The following ZNF267 variants were observed in gnomAD, a reference collection of about 807,000 sequenced individuals.
ZNF267 encodes zinc finger protein 267.
ZNF267 carries 61 observed loss-of-function variants against 71.6 expected under a neutral mutation model. That is an observed-to-expected ratio of 0.85 (90% CI 0.69 to 1.05). The LOEUF (loss-of-function observed/expected upper bound fraction) is 1.05, where lower values mean the gene tolerates loss of function less well. Ranked by LOEUF, ZNF267 falls within the 50% of genes least tolerant of loss-of-function variation. The pLI is 0.00. For synonymous variants in ZNF267, 288 were observed against 293.2 expected, an observed-to-expected ratio of 0.98 and a Z score of 0.18; for missense variants, 852 against 870.0, an observed-to-expected ratio of 0.98 and a Z score of 0.26.
At chr16:31,885,334 A>T in intron 3 of ZNF267, 78 bp downstream of exon 3, 1 of 1,279,784 alleles carries the variant, frequency 7.8e-7, no homozygotes, top group South Asian at 1.7e-5. Context: ...TGAAGTGTGG[A>T]TTGGGAAGTT....
rs1352601373 is a variant in ZNF267, at chr16:31,915,219, T to G, written c.970T>G (p.Cys324Gly). 2 of 1,613,740 alleles carry G rather than the reference T, an allele frequency of 1.2e-6. No homozygotes were observed. Among genetic ancestry groups the G allele is most frequent in the South Asian group, 2.2e-5 (2 of 91,012 alleles). The part of the protein sequence containing the change: ...IIHNEEKPYK[C>G]EKCGDSLNHS... Reference sequence around the variant, plus strand: ...CCATAATGAAGAGAAACCATACAAATGTGAAAAATGTGGGGATAGCTTAAA... The same window carrying G: ...CCATAATGAAGAGAAACCATACAAAGGTGAAAAATGTGGGGATAGCTTAAA... Residue 324 changes from cysteine to glycine, a missense_variant, in exon 4 of 4, where the codon TGT becomes GGT. By Grantham distance (159) the Cys-to-Gly change is radical. Transcript: ENST00000300870.
At chr16:31,902,030 G>C (rs1174418853) in intron 3 of ZNF267, among the ~76,000 whole-genome samples, 1 of 152,158 alleles carries the variant, frequency 6.6e-6, no homozygotes. Context: ...AGTTTTCCCA[G>C]CACCATTTAT....
chr16:31,885,204 AAGG>A lies in ZNF267; in HGVS notation c.176_178del (p.Arg59del). 1 of 1,610,824 alleles carries A rather than the reference AAGG, an allele frequency of 6.2e-7. No homozygotes were observed. The highest frequency in any genetic ancestry group is 1.3e-5 in the African/African-American group (1 of 74,956). ...CGGACCTGATCACCTTTTTGGAACA[AAGG>A]AAAGAGCCTTGGAATGTGAAGAGTG... On this transcript the variant is annotated inframe_deletion, in exon 3 of 4. Coordinates refer to ENST00000300870, the MANE Select transcript of ZNF267 (RefSeq NM_003414.6).
At chr16:31,876,157 G>T (rs1293827812) in intron 1 of ZNF267, among the ~76,000 whole-genome samples, 1 of 152,156 alleles carries the variant, frequency 6.6e-6, no homozygotes, top group East Asian at 1.9e-4. Flanking sequence ...TTTGTAGGGT[G>T]AAGAAGTTAT....
intron 3 of ZNF267, among the ~76,000 whole-genome samples, chr16:31,889,734 A>C (rs1488737311): frequency 2.0e-5 from 3 of 152,214 alleles, no homozygotes; most frequent in Admixed American, 2.0e-4. Flanking sequence ...CTAAGTTGGG[A>C]GGTGCTACAC....
chr16:31,880,358 C>A (rs2083881428), intron 1 of ZNF267, among the ~76,000 whole-genome samples: 1 of 152,144 alleles, frequency 6.6e-6, no homozygotes, highest in African/African-American at 2.4e-5. Context: ...CCACCACTGT[C>A]CAGAGCCATG....
chr16:31,888,689 C>T (rs563842891), intron 3 of ZNF267, among the ~76,000 whole-genome samples: 38 of 151,196 alleles, frequency 2.5e-4, no homozygotes, highest in Non-Finnish European at 4.6e-4. Flanking sequence ...ATGTCTGATC[C>T]TTTTAATGTG....
At chr16:31,898,972 G>A (rs145818139) in intron 3 of ZNF267, among the ~76,000 whole-genome samples, 2,130 of 152,126 alleles carry the variant, frequency 0.014, 58 homozygotes, top group African/African-American at 0.049. Flanking sequence ...GATCAATTCC[G>A]CAAGAAGAGC....
At chr16:31,887,228 T>C (rs2142336877) in intron 3 of ZNF267, among the ~76,000 whole-genome samples, 1 of 152,164 alleles carries the variant, frequency 6.6e-6, no homozygotes, top group South Asian at 2.1e-4. Flanking sequence ...ACTTGAGTCC[T>C]TTGCAAATTT....
chr16:31,901,046 C>T (rs565941389), intron 3 of ZNF267, among the ~76,000 whole-genome samples: 15 of 152,120 alleles, frequency 9.9e-5, no homozygotes, highest in Admixed American at 5.2e-4. Context: ...TGAGAACATG[C>T]GGTGTTTCGT....
rs755129791 is a variant in ZNF267 at position 31,915,892 on chromosome 16, A to G, written c.1643A>G (p.Tyr548Cys). Residue 548 changes from tyrosine (Y) to cysteine (C), a missense_variant, in exon 4 of 4, where the codon TAT becomes TGT. By Grantham distance (194) the Tyr-to-Cys change is radical. Transcript: ENST00000300870. ...HERIHTGEKP[Y>C]KCKECGKAFP... is the part of the protein sequence containing the mutation. ...AGAATTCATACTGGAGAGAAACCCT[A>G]TAAATGTAAAGAATGTGGCAAAGCC... The G allele has an allele frequency of 3.1e-6, 5 of 1,613,740 alleles. No individual in the cohort carries two copies. Among genetic ancestry groups the G allele is most frequent in the Admixed American group, 3.3e-5 (2 of 60,000 alleles).
At chr16:31,874,258 T>TA (rs2083836136) in intron 1 of ZNF267, 2 of 410,282 alleles carry the variant, frequency 4.9e-6, no homozygotes, top group Non-Finnish European at 8.8e-6. Flanking sequence ...CTCCCCCAGA[T>TA]TGTGCGGTGA....
intron 3 of ZNF267, among the ~76,000 whole-genome samples, chr16:31,899,440 A>G (rs914626462): frequency 6.6e-6 from 1 of 152,182 alleles, no homozygotes; most frequent in Non-Finnish European, 1.5e-5. Flanking sequence ...CTACTGGGTA[A>G]ATAACCAAAT....
chr16:31,905,400 C>G (rs1165600336), intron 3 of ZNF267, among the ~76,000 whole-genome samples: 18 of 152,200 alleles, frequency 1.2e-4, no homozygotes, highest in Non-Finnish European at 2.4e-4. Context: ...TGGTTCCATT[C>G]TCCTCGTCAC....
rs749529499 is a variant in ZNF267 at position 31,915,315 on chromosome 16, G to A, written c.1066G>A (p.Gly356Ser). The A allele has an allele frequency of 6.2e-7, 1 of 1,613,852 alleles. No homozygotes were observed. The highest frequency in any genetic ancestry group is 8.5e-7 in the Non-Finnish European group (1 of 1,179,900). The change falls in exon 4 of 4, where the codon GGC becomes AGC. Residue 356 changes from glycine (G) to serine (S), a missense_variant. Physicochemically the swap from Gly to Ser is moderately conservative, Grantham distance 56. Coordinates refer to ENST00000300870, the MANE Select transcript of ZNF267 (RefSeq NM_003414.6). ...GAAACCCTGTAAATGGAAAGAATGT[G>A]GCAAGGTCTTTAACCTTAACTGTAG... is the stretch of plus-strand genomic sequence containing the variant. ...EEKPCKWKEC[G>S]KVFNLNCSLY...
chr16:31,889,149 C>T (rs2083943048), intron 3 of ZNF267, among the ~76,000 whole-genome samples: 1 of 99,318 alleles, frequency 1.0e-5, no homozygotes, highest in Admixed American at 1.2e-4. Flanking sequence ...TCATTAATAG[C>T]TTTTTGAGTC....
intron 1 of ZNF267, among the ~76,000 whole-genome samples, chr16:31,879,624 A>G (rs1295359682): frequency 3.9e-5 from 6 of 152,266 alleles, no homozygotes; most frequent in Non-Finnish European, 7.3e-5. Flanking sequence ...CAAAGTGCCC[A>G]TTGCCCCGAA....
At chr16:31,901,483 C>G (rs567412094) in intron 3 of ZNF267, among the ~76,000 whole-genome samples, 10 of 152,148 alleles carry the variant, frequency 6.6e-5, no homozygotes, top group Non-Finnish European at 1.0e-4. Context: ...TTTTAATGAT[C>G]GCCATTCTAA....
Position 31,915,181 on chromosome 16 carries a change from G to A in ZNF267, c.932G>A (p.Arg311Lys). 1 of 1,612,954 alleles carries A rather than the reference G, an allele frequency of 6.2e-7. No individual in the cohort carries two copies. The highest frequency in any genetic ancestry group is 8.5e-7 in the Non-Finnish European group (1 of 1,179,672). ...GATCTTAGTCAGTCATCAAATCTTA[G>A]AAAGCAGATAATCCATAATGAAGAG... ...DKDLSQSSNL[R>K]KQIIHNEEKP... The change falls in exon 4 of 4, where the codon AGA becomes AAA. Residue 311 changes from arginine (R) to lysine (K), a missense_variant. By Grantham distance (26) the Arg-to-Lys change is conservative (BLOSUM62 2). Coordinates refer to ENST00000300870, the MANE Select transcript of ZNF267 (RefSeq NM_003414.6).
Sources: gnomAD v4.1 joint callset for allele counts (sites outside exome capture counted in the v4.1 genomes callset) on GRCh38, gnomAD v4.1.1 for gene constraint, MANE v1.5 for transcripts, NCBI Gene and HGNC (gene_info 2026-07-23, HGNC 2026-07-21) for gene names.